Variants in STAG1 observed in about 807,000 individuals in gnomAD.
STAG1 encodes STAG1 cohesin complex component.
In STAG1, 26 loss-of-function variants were observed where a neutral mutation model predicts 170.9. The ratio of observed to expected loss-of-function variants is 0.15; its 90% CI spans 0.11 to 0.21. The LOEUF (loss-of-function observed/expected upper bound fraction) is 0.21. Among genes scored for constraint, STAG1 ranks in the 10% least tolerant of loss-of-function variants. STAG1 has a pLI of 1.00. For synonymous variants in STAG1, 514 were observed against 497.7 expected (o/e 1.03, Z -0.44); for missense variants, 964 against 1,509.5 (o/e 0.64, Z 5.99).
intron 21 of STAG1, among the ~76,000 whole-genome samples, chr3:136,399,678 A>G (rs935945752): frequency 2.6e-5 from 4 of 152,218 alleles, no homozygotes; most frequent in African/African-American, 9.6e-5. Flanking sequence ...TAACATGCTT[A>G]TATATGTGTC....
intron 6 of STAG1, among the ~76,000 whole-genome samples, chr3:136,539,162 G>C (rs1030083640): frequency 1.3e-5 from 2 of 151,956 alleles, no homozygotes; most frequent in African/African-American, 4.8e-5. Context: ...TTTAGTGATG[G>C]GATATACAAT....
intron 16 of STAG1, 124 bp from the exon 17 acceptor site, chr3:136,423,168 A>AAAT: frequency 1.7e-6 from 1 of 590,950 alleles, no homozygotes; most frequent in Non-Finnish European, 2.8e-6. Flanking sequence ...TTAATGACTG[A>AAAT]AATAAACACA....
At chr3:136,728,276 C>G (rs565926088) in intron 1 of STAG1, among the ~76,000 whole-genome samples, 2 of 152,164 alleles carry the variant, frequency 1.3e-5, no homozygotes, top group East Asian at 3.9e-4. Flanking sequence ...TATAAAGTAC[C>G]ACAATACTTT....
chr3:136,338,004 T>C lies in STAG1; in HGVS notation c.*250A>G, dbSNP rs1417128704. ...CTCCAGAAAAACACACACATCTGTA[T>C]TGGGATAAGTCCAATAGTAGGACAC... On this transcript the variant is annotated 3_prime_UTR_variant, in exon 34 of 34. Transcript: ENST00000383202. 5 of 454,756 alleles carry C rather than the reference T, an allele frequency of 1.1e-5. No homozygotes were observed. Among genetic ancestry groups the C allele is most frequent in the Non-Finnish European group, 2.0e-5 (5 of 255,404 alleles). The allele number at this position is 454,756 out of a possible 1,614,324, so 28.2% of individuals were successfully genotyped here.
chr3:136,528,006 C>T (rs1935147969), intron 6 of STAG1, among the ~76,000 whole-genome samples: 1 of 152,148 alleles, frequency 6.6e-6, no homozygotes, highest in South Asian at 2.1e-4. Context: ...TTTGGGGATG[C>T]CTCCCAGTTA....
chr3:136,692,015 A>C (rs1409894919), intron 1 of STAG1, among the ~76,000 whole-genome samples: 1 of 152,178 alleles, frequency 6.6e-6, no homozygotes, highest in African/African-American at 2.4e-5. Flanking sequence ...TGAAGAAGGC[A>C]CTGCAGAAGT....
At chr3:136,381,334 T>C (rs1937949011) in intron 22 of STAG1, among the ~76,000 whole-genome samples, 1 of 152,106 alleles carries the variant, frequency 6.6e-6, no homozygotes, top group Non-Finnish European at 1.5e-5. Flanking sequence ...GAAGAGCTTA[T>C]GAAGAAATCT....
At chr3:136,682,749 C>T (rs1942381296) in intron 1 of STAG1, among the ~76,000 whole-genome samples, 1 of 152,108 alleles carries the variant, frequency 6.6e-6, no homozygotes, top group Non-Finnish European at 1.5e-5. Context: ...CACCAATGAT[C>T]CAGCAATTCC....
At position 136,383,646 on chromosome 3, in the gene STAG1, C is replaced by T. The variant is rs1938097168; in HGVS notation, c.2278-5894G>A. 2.0e-5 allele frequency among the ~76,000 whole-genome samples: 3 copies of T among 152,038 alleles called. No homozygotes were observed. The South Asian group carries it at 6.2e-4, about 32-fold the overall frequency. The stretch of plus-strand genomic sequence containing the variant: ...TGTGATAGGTATTGGTATTATCACC[C>T]CCACTTTATGTATAAAGAAACAGGC... On this transcript the variant is annotated intron_variant, in intron 22 of 33. Coordinates refer to ENST00000383202, the MANE Select transcript of STAG1 (RefSeq NM_005862.3).
chr3:136,561,688 G>C (rs1309835052), intron 5 of STAG1, among the ~76,000 whole-genome samples: 1 of 151,994 alleles, frequency 6.6e-6, no homozygotes, highest in African/African-American at 2.4e-5. Context: ...ACTTTTTATT[G>C]TCCAAATGTG....
At chr3:136,454,037 C>G (rs1342419443) in intron 13 of STAG1, among the ~76,000 whole-genome samples, 3 of 152,018 alleles carry the variant, frequency 2.0e-5, no homozygotes, top group African/African-American at 4.8e-5. Flanking sequence ...TAATGGGTGA[C>G]TTTCAGAGGG....
chr3:136,696,411 T>A (rs1942893266), intron 1 of STAG1, among the ~76,000 whole-genome samples: 1 of 152,108 alleles, frequency 6.6e-6, no homozygotes, highest in Admixed American at 6.6e-5. Context: ...CATAAGAGCA[T>A]GGAGGATTTT....
chr3:136,525,869 G>A (rs570480254), intron 6 of STAG1, among the ~76,000 whole-genome samples: 10 of 152,304 alleles, frequency 6.6e-5, no homozygotes, highest in Non-Finnish European at 5.9e-5. Flanking sequence ...TAGTCATTCA[G>A]GAGCAGGTTG....
chr3:136,476,647 T>A (rs922340452), intron 10 of STAG1, among the ~76,000 whole-genome samples: 24 of 152,188 alleles, frequency 1.6e-4, no homozygotes, highest in Non-Finnish European at 1.2e-4. Flanking sequence ...AAATAACTTA[T>A]AATGGGAATG....
In STAG1 at chr3:136,472,512, A is replaced by C. The variant is rs2089651179; in HGVS notation, c.1126-20T>G. Reference sequence around the variant, plus strand: ...GCGATCCTGAGAAAAAAAAGTTGTAAAACAAACCAACTATGAACAGAAAAT... The same window carrying C: ...GCGATCCTGAGAAAAAAAAGTTGTACAACAAACCAACTATGAACAGAAAAT... On this transcript the variant is annotated intron_variant, in intron 11 of 33. Coordinates refer to ENST00000383202, the MANE Select transcript of STAG1 (RefSeq NM_005862.3). The C allele has an allele frequency of 3.2e-6, 5 of 1,574,770 alleles. No homozygotes were observed. The highest frequency in any genetic ancestry group is 1.4e-5 in the African/African-American group (1 of 74,060).
chr3:136,344,864 T>C (rs1328476960), intron 29 of STAG1, among the ~76,000 whole-genome samples: 1 of 152,060 alleles, frequency 6.6e-6, no homozygotes, highest in African/African-American at 2.4e-5. Flanking sequence ...TCCGCCCACC[T>C]CGGCCTCTCA....
Position 136,417,477 on chromosome 3 carries a change from A to C in STAG1, c.2196+408T>G, listed in dbSNP as rs139227367. On this transcript the variant is annotated intron_variant, in intron 21 of 33. Coordinates refer to ENST00000383202, the MANE Select transcript of STAG1 (RefSeq NM_005862.3). The stretch of plus-strand genomic sequence containing the variant: ...TGTACAAAGTTCTAAAGTCTATTAA[A>C]GGCTGCCATGTTAATTTAACTATGG... 4.8e-3 allele frequency: 778 copies of C among 162,584 alleles called. 4 individuals carry two copies. Among genetic ancestry groups the C allele is most frequent in the Middle Eastern group, 0.017 (5 of 302 alleles). 10.1% of individuals were successfully genotyped at this position (162,584 alleles called of 1,614,324 possible). A position where few individuals can be genotyped will look rare whatever the true frequency, so the allele number is the denominator to read the frequency against.
chr3:136,442,971 T>C (rs1355201060), intron 15 of STAG1, among the ~76,000 whole-genome samples: 1 of 152,198 alleles, frequency 6.6e-6, no homozygotes, highest in East Asian at 1.9e-4. Flanking sequence ...ACTGGGCCGC[T>C]GCACTCCAGC....
chr3:136,735,037 T>C (rs1435040909), intron 1 of STAG1, among the ~76,000 whole-genome samples: 1 of 152,176 alleles, frequency 6.6e-6, no homozygotes, highest in Non-Finnish European at 1.5e-5. Flanking sequence ...TCAATTATTA[T>C]TGCACTCTCC....
Sources: allele counts gnomAD v4.1 joint callset (sites outside exome capture counted in the v4.1 genomes callset), GRCh38; gene constraint gnomAD v4.1.1; transcripts MANE v1.5; gene names NCBI Gene and HGNC (gene_info 2026-07-23, HGNC 2026-07-21).